The following CNTNAP2 variants were observed in gnomAD, a reference collection of about 807,000 sequenced individuals.
CNTNAP2 encodes the protein contactin-associated protein-like 2.
A neutral mutation model predicts 155.2 loss-of-function variants in CNTNAP2; 98 were observed. The ratio of observed to expected loss-of-function variants is 0.63; its 90% CI spans 0.54 to 0.75. The LOEUF (loss-of-function observed/expected upper bound fraction) is 0.75. Ranked by LOEUF, CNTNAP2 falls within the 30% of genes least tolerant of loss-of-function variation. The pLI is 0.00. For missense variants in CNTNAP2, 1,727 were observed against 1,688.1 expected, an observed-to-expected ratio of 1.02 and a Z score of -0.40; for synonymous variants, 651 against 631.2, an observed-to-expected ratio of 1.03 and a Z score of -0.47.
intron 11 of CNTNAP2, among the ~76,000 whole-genome samples, chr7:147,491,448 C>A (rs1192556691): frequency 6.7e-6 from 1 of 148,916 alleles, no homozygotes; most frequent in African/African-American, 2.4e-5. Context: ...AGATCAAATC[C>A]TCTTATTCTA....
intron 4 of CNTNAP2, among the ~76,000 whole-genome samples, chr7:147,067,368 G>A (rs6962802): frequency 0.59 from 89,353 of 150,256 alleles, 27,954 homozygotes; most frequent in East Asian, 0.73. Flanking sequence ...ACTCACAAAG[G>A]CCCCACCTCC....
intron 15 of CNTNAP2, among the ~76,000 whole-genome samples, chr7:147,989,535 GA>G (rs1267566752): frequency 2.6e-5 from 4 of 152,180 alleles, no homozygotes; most frequent in Non-Finnish European, 5.9e-5. Context: ...CTTGATATCA[GA>G]AAAGCTCTGC....
chr7:148,383,858 G>A lies in CNTNAP2; in HGVS notation c.3685G>A (p.Asp1229Asn), dbSNP rs143256141. Residue 1229 changes from aspartate to asparagine, a missense_variant, in exon 22 of 24, where the codon GAC becomes AAC. Physicochemically the swap from Asp to Asn is conservative, Grantham distance 23. Coordinates refer to ENST00000361727, the MANE Select transcript of CNTNAP2 (RefSeq NM_014141.6). ...CCTCTCCCCCATGTCGTCCGCCACCGACCCCTGGCACCTGGATCACCTGGA... is the reference window on the plus strand; with the variant it reads ...CCTCTCCCCCATGTCGTCCGCCACCAACCCCTGGCACCTGGATCACCTGGA... The part of the protein sequence containing the change: ...LTLSPMSSAT[D>N]PWHLDHLDSA... 3.1e-6 allele frequency: 5 copies of A among 1,613,728 alleles called. No homozygotes were observed. Among genetic ancestry groups the A allele is most frequent in the Non-Finnish European group, 2.5e-6 (3 of 1,180,014 alleles).
chr7:147,121,446 T>A (rs563140859), intron 6 of CNTNAP2: 1 of 330,444 alleles, frequency 3.0e-6, no homozygotes, highest in African/African-American at 2.1e-5. Flanking sequence ...ATAAATTTAA[T>A]TTGTAATCCT....
At chr7:146,474,650 T>C (rs1247801143) in intron 1 of CNTNAP2, among the ~76,000 whole-genome samples, 2 of 152,180 alleles carry the variant, frequency 1.3e-5, no homozygotes, top group African/African-American at 4.8e-5. Flanking sequence ...AGCACAGACT[T>C]AGTTACAATC....
At position 147,903,511 on chromosome 7, in the gene CNTNAP2, TCTA is replaced by T. The variant is rs200994537; in HGVS notation, c.2099-53_2099-51del. On this transcript the variant is annotated intron_variant, in intron 13 of 23. Coordinates refer to ENST00000361727, the MANE Select transcript of CNTNAP2 (RefSeq NM_014141.6). ...GGGGAAGTGGGTGTAAGTGTGGCAG[TCTA>T]ATGACTGAACCCAGGTCTGTTTCTA... 3.4e-4 allele frequency: 548 copies of T among 1,591,286 alleles called. 2 individuals are homozygous for T. In the East Asian group the frequency reaches 9.3e-3, roughly 27 times the overall value.
chr7:146,645,852 T>G (rs1239240882), intron 1 of CNTNAP2, among the ~76,000 whole-genome samples: 1 of 152,094 alleles, frequency 6.6e-6, no homozygotes, highest in Admixed American at 6.6e-5. Flanking sequence ...CAAGCTGCAC[T>G]GACTTCCAGA....
intron 3 of CNTNAP2, among the ~76,000 whole-genome samples, chr7:147,015,278 T>C (rs2129244818): frequency 6.6e-6 from 1 of 152,236 alleles, no homozygotes; most frequent in South Asian, 2.1e-4. Context: ...ATTGGTAAAA[T>C]GGACAGAGTA....
intron 14 of CNTNAP2, among the ~76,000 whole-genome samples, chr7:147,957,112 C>T (rs1018530251): frequency 6.6e-6 from 1 of 152,048 alleles, no homozygotes; most frequent in African/African-American, 2.4e-5. Flanking sequence ...TTTGAAGAGA[C>T]AGGGGAAAAA....
intron 1 of CNTNAP2, among the ~76,000 whole-genome samples, chr7:146,657,961 C>T (rs980286328): frequency 5.9e-5 from 9 of 151,302 alleles, no homozygotes; most frequent in African/African-American, 2.2e-4. Context: ...TAAATTTCAG[C>T]CTGTAAAACA....
At chr7:146,836,026 G>A (rs1158241570) in intron 2 of CNTNAP2, among the ~76,000 whole-genome samples, 1 of 152,078 alleles carries the variant, frequency 6.6e-6, no homozygotes, top group Non-Finnish European at 1.5e-5. Flanking sequence ...AATTCCTGAA[G>A]AGGAATTACA....
chr7:146,906,735 C>T (rs150888812), intron 3 of CNTNAP2, among the ~76,000 whole-genome samples: 75 of 152,238 alleles, frequency 4.9e-4, no homozygotes, highest in African/African-American at 8.7e-4. Context: ...AACTCTAAAA[C>T]GCAGAACACC....
chr7:147,013,237 C>T (rs927195020), intron 3 of CNTNAP2, among the ~76,000 whole-genome samples: 2 of 151,970 alleles, frequency 1.3e-5, no homozygotes, highest in African/African-American at 4.8e-5. Flanking sequence ...AACCATTTTG[C>T]TAGTCACTGA....
Position 146,116,808 on chromosome 7 carries a change from A to G in CNTNAP2, c.-69A>G, listed in dbSNP as rs571236387. ...TGAGGACAGCCCATCTCCCTTCAAG[A>G]ACCCTACGGAGAGTCGGACTGCATC... On this transcript the variant is annotated 5_prime_UTR_variant, in exon 1 of 24. Coordinates refer to ENST00000361727, the MANE Select transcript of CNTNAP2 (RefSeq NM_014141.6). The surrounding 1 kb of genome is among the most constrained non-coding windows in gnomAD (Gnocchi z 5.5). The G allele has an allele frequency of 4.7e-6, 6 of 1,280,188 alleles. No homozygotes were observed. The Admixed American group carries it at 6.3e-5, about 14-fold the overall frequency. 79.3% of individuals were successfully genotyped at this position (1,280,188 alleles called of 1,614,324 possible).
chr7:146,681,616 G>T (rs1420511350), intron 1 of CNTNAP2, among the ~76,000 whole-genome samples: 1 of 108,174 alleles, frequency 9.2e-6, no homozygotes, highest in Non-Finnish European at 2.1e-5. Flanking sequence ...AAAGGGGAGA[G>T]TGGGAGGGTG....
chr7:148,209,896 G>T (rs186572637), intron 18 of CNTNAP2, among the ~76,000 whole-genome samples: 57 of 152,146 alleles, frequency 3.7e-4, no homozygotes, highest in Middle Eastern at 3.4e-3. Flanking sequence ...GTTCATCCTC[G>T]ACATTCTCTT....
At chr7:147,629,156 C>A (rs1269640610) in intron 12 of CNTNAP2, among the ~76,000 whole-genome samples, 2 of 151,968 alleles carry the variant, frequency 1.3e-5, no homozygotes, top group Non-Finnish European at 2.9e-5. Context: ...AATCCCAGCA[C>A]TTTGGGAGGC....
chr7:147,546,788 G>T (rs980481169), intron 11 of CNTNAP2, among the ~76,000 whole-genome samples: 14 of 152,200 alleles, frequency 9.2e-5, no homozygotes, highest in African/African-American at 3.4e-4. Context: ...ACACATCGCA[G>T]ATCTTTCTGC....
intron 13 of CNTNAP2, among the ~76,000 whole-genome samples, chr7:147,710,123 AT>A (rs1376529389): frequency 1.3e-5 from 2 of 152,156 alleles, no homozygotes; most frequent in Non-Finnish European, 2.9e-5. Flanking sequence ...CAAAACACAC[AT>A]GAATTTTAAA....
Sources: allele counts gnomAD v4.1 joint callset (sites outside exome capture counted in the v4.1 genomes callset), GRCh38; gene constraint gnomAD v4.1.1; non-coding constraint Gnocchi (gnomAD v3.1); transcripts MANE v1.5; gene names NCBI Gene and HGNC (gene_info 2026-07-23, HGNC 2026-07-21).